ATP2B1: variants seen among roughly 807,000 people sequenced by gnomAD.
The protein encoded by ATP2B1 is ATPase plasma membrane Ca2+ transporting 1.
In ATP2B1, 14 loss-of-function variants were observed where a neutral mutation model predicts 124.2. The observed-to-expected ratio is 0.11, with a 90% CI of 0.07 to 0.18. The LOEUF is 0.18. ATP2B1 is among the 10% of genes least tolerant of loss of function. The pLI is 1.00. For synonymous variants in ATP2B1, 449 were observed against 492.4 expected, an observed-to-expected ratio of 0.91 and a Z score of 1.17; for missense variants, 763 against 1,466.1, an observed-to-expected ratio of 0.52 and a Z score of 7.83.
At chr12:89,694,116 C>G (rs576710874) in intron 1 of ATP2B1, among the ~76,000 whole-genome samples, 1 of 152,224 alleles carries the variant, frequency 6.6e-6, no homozygotes, top group African/African-American at 2.4e-5. Context: ...CTTTTATACC[C>G]ATAACTATTC....
chr12:89,654,022 C>G (rs1240010999), intron 2 of ATP2B1, among the ~76,000 whole-genome samples: 1 of 152,178 alleles, frequency 6.6e-6, no homozygotes, highest in Non-Finnish European at 1.5e-5. Context: ...TTAGTGTCCC[C>G]TATCAATTTG....
At chr12:89,619,854 T>C in intron 11 of ATP2B1, 145 bp downstream of exon 11, 1 of 1,023,884 alleles carries the variant, frequency 9.8e-7, no homozygotes, top group Non-Finnish European at 1.4e-6. Flanking sequence ...GGCAAATATC[T>C]GGATACCATA....
At chr12:89,707,754 G>A (rs1355446525) in intron 1 of ATP2B1, among the ~76,000 whole-genome samples, 3 of 152,078 alleles carry the variant, frequency 2.0e-5, no homozygotes, top group Non-Finnish European at 4.4e-5. Context: ...AATGAAATGC[G>A]CACAGAGACC....
chr12:89,691,325 A>G (rs190867305), intron 1 of ATP2B1, among the ~76,000 whole-genome samples: 1 of 152,292 alleles, frequency 6.6e-6, no homozygotes, highest in Admixed American at 6.5e-5. Context: ...CTCAAATATT[A>G]AAGTCTATAA....
chr12:89,603,661 G>T lies in ATP2B1; in HGVS notation c.2848+51C>A, dbSNP rs760023200. On this transcript the variant is annotated intron_variant, in intron 17 of 20. Coordinates refer to ENST00000428670, the MANE Select transcript of ATP2B1 (RefSeq NM_001366521.1). The surrounding 1 kb of genome is among the most constrained non-coding windows in gnomAD (Gnocchi z 4.3). ...AACATTATAACATCTTGGATGATTA[G>T]CTTGGAAAAGAAACAATTAACTGAA... is the stretch of plus-strand genomic sequence containing the variant. The T allele has an allele frequency of 2.6e-6, 4 of 1,554,676 alleles. No individual in the cohort carries two copies. The Admixed American group carries it at 6.7e-5, about 26-fold the overall frequency.
intron 1 of ATP2B1, among the ~76,000 whole-genome samples, chr12:89,666,660 C>A (rs1206737924): frequency 6.6e-6 from 1 of 152,210 alleles, no homozygotes; most frequent in Non-Finnish European, 1.5e-5. Flanking sequence ...AATAGACATA[C>A]CATCTGGCTG....
At chr12:89,695,980 G>A (rs1424143921) in intron 1 of ATP2B1, among the ~76,000 whole-genome samples, 1 of 152,170 alleles carries the variant, frequency 6.6e-6, no homozygotes, top group African/African-American at 2.4e-5. Context: ...TCCAGTGTCA[G>A]TGGATTCAAG....
chr12:89,609,145 G>A (rs1014539624), intron 15 of ATP2B1, among the ~76,000 whole-genome samples: 1 of 152,076 alleles, frequency 6.6e-6, no homozygotes, highest in Admixed American at 6.6e-5. Flanking sequence ...ACTGTGATTC[G>A]GAATTCAGTC....
intron 1 of ATP2B1, among the ~76,000 whole-genome samples, chr12:89,702,230 C>T (rs1043984187): frequency 2.6e-5 from 4 of 152,102 alleles, no homozygotes; most frequent in African/African-American, 9.7e-5. Flanking sequence ...CCAGGAAATC[C>T]CTATTAATAT....
chr12:89,684,198 A>G (rs911542048), intron 1 of ATP2B1, among the ~76,000 whole-genome samples: 1 of 152,250 alleles, frequency 6.6e-6, no homozygotes, highest in Non-Finnish European at 1.5e-5. Flanking sequence ...TTACTTACAA[A>G]AAGAGCAGGG....
intron 20 of ATP2B1, chr12:89,593,538 C>T (rs895849300): frequency 2.0e-5 from 3 of 151,858 alleles, no homozygotes; most frequent in Admixed American, 6.6e-5. Context: ...AGTGAAGAAT[C>T]GGGGGGAAAT....
At position 89,696,524 on chromosome 12, in the gene ATP2B1, G is replaced by A. The variant is rs142652535; in HGVS notation, c.-222+12072C>T. On this transcript the variant is annotated intron_variant, in intron 1 of 20. Transcript: ENST00000428670. ...GAAAATAATACAAAGTTTCTAAAAA[G>A]CACATAATTATACCTACATTATCTG... 9.2e-5 allele frequency among the ~76,000 whole-genome samples: 14 copies of A among 152,066 alleles called. No individual in the cohort carries two copies. The East Asian group carries it at 2.7e-3, about 29-fold the overall frequency.
At chr12:89,633,383 T>C (rs1314198475) in intron 5 of ATP2B1, among the ~76,000 whole-genome samples, 1 of 152,010 alleles carries the variant, frequency 6.6e-6, no homozygotes, top group Non-Finnish European at 1.5e-5. Flanking sequence ...ACATGTGCCA[T>C]GTTGGTGTGC....
Position 89,600,396 on chromosome 12 carries a change from C to A in ATP2B1, c.3168+930G>T, listed in dbSNP as rs181787485. Reference sequence around the variant, plus strand: ...AGTAATGGGCTTAAAATGAACAATGCATAAATCACTGTCACATTTAAAAAA... The same window carrying A: ...AGTAATGGGCTTAAAATGAACAATGAATAAATCACTGTCACATTTAAAAAA... On this transcript the variant is annotated intron_variant, in intron 19 of 20. Transcript: ENST00000428670. Among the ~76,000 whole-genome samples, 22 of 152,198 alleles carry A rather than the reference C, an allele frequency of 1.4e-4. No homozygotes were observed. In the East Asian group the frequency reaches 3.9e-3, roughly 27 times the overall value.
chr12:89,648,946 G>T (rs549385073), intron 2 of ATP2B1, among the ~76,000 whole-genome samples: 2 of 152,332 alleles, frequency 1.3e-5, no homozygotes, highest in African/African-American at 4.8e-5. Context: ...CGTAAGCCTT[G>T]GTAGTTCCTA....
chr12:89,635,062 C>T lies in ATP2B1; in HGVS notation c.596G>A (p.Gly199Asp), dbSNP rs755865284. The change falls in exon 4 of 21, where the codon GGT becomes GAT. Residue 199 changes from glycine to aspartate, a missense_variant. Coordinates refer to ENST00000428670, the MANE Select transcript of ATP2B1 (RefSeq NM_001366521.1). ...EQEQKFTVIRGGQVIQIPVAD... is the reference protein window; with the variant it reads ...EQEQKFTVIRDGQVIQIPVAD... Reference sequence around the variant, plus strand: ...TACAGGTATCTGAATGACCTGACCACCCCTGATGACAGTGAACTTCTGTTC... The same window carrying T: ...TACAGGTATCTGAATGACCTGACCATCCCTGATGACAGTGAACTTCTGTTC... 1.9e-6 allele frequency: 3 copies of T among 1,614,004 alleles called. No homozygotes were observed. The highest frequency in any genetic ancestry group is 1.7e-4 in the Middle Eastern group (1 of 6,060).
intron 1 of ATP2B1, among the ~76,000 whole-genome samples, chr12:89,675,884 T>C (rs923099221): frequency 9.9e-5 from 15 of 152,180 alleles, no homozygotes; most frequent in African/African-American, 3.6e-4. Flanking sequence ...AGTATTATTA[T>C]TTCAAAAACA....
At chr12:89,701,738 G>A (rs1891876449) in intron 1 of ATP2B1, among the ~76,000 whole-genome samples, 1 of 152,064 alleles carries the variant, frequency 6.6e-6, no homozygotes, top group Admixed American at 6.6e-5. Flanking sequence ...TGGTAAACAG[G>A]TTCTTTGCTG....
At chr12:89,615,265 ATTACT>A (rs1238455536) in intron 12 of ATP2B1, among the ~76,000 whole-genome samples, 2 of 152,128 alleles carry the variant, frequency 1.3e-5, no homozygotes, top group African/African-American at 4.8e-5. Context: ...GTCTCTCTCC[ATTACT>A]TTATTTCATT....
Sources: gnomAD v4.1 joint callset for allele counts (sites outside exome capture counted in the v4.1 genomes callset) on GRCh38, gnomAD v4.1.1 for gene constraint, Gnocchi (gnomAD v3.1) non-coding constraint, MANE v1.5 for transcripts, NCBI Gene and HGNC (gene_info 2026-07-23, HGNC 2026-07-21) for gene names.